The following LLGL1 variants were observed in gnomAD, a reference collection of about 807,000 sequenced individuals.
The protein encoded by LLGL1 is lethal(2) giant larvae protein homolog 1.
A neutral mutation model predicts 110.6 loss-of-function variants in LLGL1; 58 were observed. The observed-to-expected ratio is 0.52, with a 90% CI of 0.42 to 0.65. The LOEUF (loss-of-function observed/expected upper bound fraction) is 0.65, where lower values mean the gene tolerates loss of function less well. LLGL1 is among the 30% of genes least tolerant of loss of function. LLGL1 has a pLI of 0.00. For missense variants in LLGL1, 1,229 were observed against 1,462.1 expected (o/e 0.84, Z 2.60); for synonymous variants, 674 against 607.2 (o/e 1.11, Z -1.62).
rs765210628 is a variant in LLGL1 at position 18,238,460 on chromosome 17, A to G, written c.2057A>G (p.Gln686Arg). The change falls in exon 16 of 23, where the codon CAG becomes CGG. Residue 686 changes from glutamine (Q) to arginine (R), a missense_variant. Gln to Arg is a conservative substitution (Grantham distance 43, BLOSUM62 1). Coordinates refer to ENST00000316843, the MANE Select transcript of LLGL1 (RefSeq NM_004140.4). ...TCAGGAGCCCCCGCCCGGCAGTTGC[A>G]GGAAGCCAATGCACAGCTGGCTGAG... ...KRAANASSKLQEANAQLAEQA... is the reference protein window; with the variant it reads ...KRAANASSKLREANAQLAEQA... 1 of 1,607,464 alleles carries G rather than the reference A, an allele frequency of 6.2e-7. No individual in the cohort carries two copies. The highest frequency in any genetic ancestry group is 8.5e-7 in the Non-Finnish European group (1 of 1,176,454).
rs1440484160 is a variant in LLGL1, at chr17:18,232,743, C to G, written c.333C>G (p.Ala111=). 1 of 1,614,122 alleles carries G rather than the reference C, an allele frequency of 6.2e-7. No homozygotes were observed. The highest frequency in any genetic ancestry group is 1.1e-5 in the South Asian group (1 of 91,090). Residue 111 remains alanine (A), a synonymous_variant, in exon 4 of 23, where the codon GCC becomes GCG. Transcript: ENST00000316843. ...AGATTGTCCACCATAATGGCTGTGCCCACCTGGAAGAAGCACTCAGTTTCC... is the reference window on the plus strand; with the variant it reads ...AGATTGTCCACCATAATGGCTGTGCGCACCTGGAAGAAGCACTCAGTTTCC... ...LWEIVHHNGC[A]HLEEALSFQL... is the part of the protein sequence containing the mutation.
chr17:18,238,523 A>C lies in LLGL1; in HGVS notation c.2120A>C (p.Gln707Pro). 6.2e-7 allele frequency: 1 copy of C among 1,612,820 alleles called. No individual in the cohort carries two copies. Among genetic ancestry groups the C allele is most frequent in the East Asian group, 2.2e-5 (1 of 44,876 alleles). ...CACGACGTGGAGATGACGCCCGTGC[A>C]GCGCCGCATTGAGCCCCGCTCTGCC... is the stretch of plus-strand genomic sequence containing the variant. ...CPHDVEMTPVQRRIEPRSADD... is the reference protein window; with the variant it reads ...CPHDVEMTPVPRRIEPRSADD... The change falls in exon 16 of 23, where the codon CAG becomes CCG. Residue 707 changes from glutamine to proline, a missense_variant. Coordinates refer to ENST00000316843, the MANE Select transcript of LLGL1 (RefSeq NM_004140.4).
At chr17:18,236,405 G>A (rs1224640664) in intron 11 of LLGL1, 1 of 575,552 alleles carries the variant, frequency 1.7e-6, no homozygotes, top group Non-Finnish European at 3.1e-6. Context: ...TGCATATGGT[G>A]CATGTGGCCT....
chr17:18,232,632 C>T (rs1567687498), intron 3 of LLGL1, 40 bp from the exon 4 acceptor site: 3 of 1,614,010 alleles, frequency 1.9e-6, no homozygotes, highest in Non-Finnish European at 2.5e-6. Flanking sequence ...CTACTCATCC[C>T]CCTAGGCCAG....
In LLGL1 at chr17:18,230,019, A is replaced by G; in HGVS notation, c.160A>G (p.Arg54Gly). The G allele has an allele frequency of 6.2e-7, 1 of 1,611,572 alleles. No individual in the cohort carries two copies. The highest frequency in any genetic ancestry group is 8.5e-7 in the Non-Finnish European group (1 of 1,179,656). Reference protein sequence around the residue: ...PELRIMAIGTRSGAVKIYGAP... With the variant: ...PELRIMAIGTGSGAVKIYGAP... ...ACTTCGCATCATGGCCATCGGCACC[A>G]GGTCTGGGGCTGTCAAGATGTATCC... The change falls in exon 2 of 23, where the codon AGG becomes GGG. Residue 54 changes from arginine to glycine, a missense_variant. Physicochemically the swap from Arg to Gly is moderately radical, Grantham distance 125. Coordinates refer to ENST00000316843, the MANE Select transcript of LLGL1 (RefSeq NM_004140.4).
At chr17:18,238,781 T>G (rs1407184160) in intron 16 of LLGL1, among the ~76,000 whole-genome samples, 172 bp downstream of exon 16, 2 of 151,930 alleles carry the variant, frequency 1.3e-5, no homozygotes, top group African/African-American at 4.8e-5. Flanking sequence ...GAGGCCGAGG[T>G]GGGCGGATCA....
In LLGL1 at chr17:18,238,143, C is replaced by A; in HGVS notation, c.1981C>A (p.Arg661Ser). 1 of 1,613,770 alleles carries A rather than the reference C, an allele frequency of 6.2e-7. No homozygotes were observed. The highest frequency in any genetic ancestry group is 8.5e-7 in the Non-Finnish European group (1 of 1,180,026). Residue 661 changes from arginine (R) to serine (S), a missense_variant, in exon 15 of 23, where the codon CGC becomes AGC. Arg to Ser is a moderately radical substitution (Grantham distance 110). Coordinates refer to ENST00000316843, the MANE Select transcript of LLGL1 (RefSeq NM_004140.4). ...GGTGAAGTCTCTCAAGAAGTCACTGCGCCAGTCTTTCCGGCGCATTCGCAA... is the reference window on the plus strand; with the variant it reads ...GGTGAAGTCTCTCAAGAAGTCACTGAGCCAGTCTTTCCGGCGCATTCGCAA... ...SRVKSLKKSLRQSFRRIRKSR... is the reference protein window; with the variant it reads ...SRVKSLKKSLSQSFRRIRKSR...
Position 18,236,483 on chromosome 17 carries a change from A to G in LLGL1, c.1353-124A>G, listed in dbSNP as rs370981838. ...GGTGCCTATTGTTTTTTGTAAAAGT[A>G]GGATTCCGGTCAGTGTTTGGCACGT... On this transcript the variant is annotated intron_variant, in intron 11 of 22. Transcript: ENST00000316843. 2.7e-5 allele frequency: 25 copies of G among 936,692 alleles called. No individual in the cohort carries two copies. In the African/African-American group the frequency reaches 3.8e-4, roughly 14 times the overall value. The allele number at this position is 936,692 out of a possible 1,614,324, so 58.0% of individuals were successfully genotyped here. A position where few individuals can be genotyped will look rare whatever the true frequency, so the allele number is the denominator to read the frequency against.
At chr17:18,242,444 C>G (rs2047861978) in intron 20 of LLGL1, 64 bp from the exon 21 acceptor site, 1 of 1,604,584 alleles carries the variant, frequency 6.2e-7, no homozygotes. Context: ...GTCTGTGTCC[C>G]TAGGCCCCCA....
intron 14 of LLGL1, 132 bp downstream of exon 14, chr17:18,237,905 G>T: frequency 7.8e-6 from 10 of 1,281,710 alleles, no homozygotes; most frequent in Non-Finnish European, 9.6e-6. Flanking sequence ...TAACCTGGCA[G>T]CTCCAAGAAG....
rs781433997 is a variant in LLGL1, at chr17:18,241,694, G to C, written c.2746G>C (p.Val916Leu). The change falls in exon 18 of 23, where the codon GTC becomes CTC. Residue 916 changes from valine to leucine, a missense_variant. Val to Leu is a conservative substitution (Grantham distance 32, BLOSUM62 1). Coordinates refer to ENST00000316843, the MANE Select transcript of LLGL1 (RefSeq NM_004140.4). ...GGACATCAGCGGCATCGCTTCGTGC[G>C]TCTTTACGCGCCATGGCCAGGGTGA... ...KEDISGIASC[V>L]FTRHGQGFYL... The C allele has an allele frequency of 6.2e-7, 1 of 1,613,208 alleles. No homozygotes were observed. The highest frequency in any genetic ancestry group is 1.3e-5 in the African/African-American group (1 of 74,936).
chr17:18,232,439 T>C (rs2290503), intron 2 of LLGL1, 56 bp from the exon 3 acceptor site: 1,127,771 of 1,474,484 alleles, frequency 0.76, 432,217 homozygotes, highest in African/African-American at 0.83. Flanking sequence ...TTGGGTGTCT[T>C]CCTCACTGTG....
rs1028806714 is a variant in LLGL1 at position 18,237,558 on chromosome 17, C to T, written c.1689C>T (p.Arg563=). ...CCATCATAGACCTCCTCCAGGACCGCGAGGGCTTCACATGGAAGGGCCACG... is the reference window on the plus strand; with the variant it reads ...CCATCATAGACCTCCTCCAGGACCGTGAGGGCTTCACATGGAAGGGCCACG... ...SVAIIDLLQD[R]EGFTWKGHER... Residue 563 remains arginine (R), a synonymous_variant, in exon 14 of 23, where the codon CGC becomes CGT. Coordinates refer to ENST00000316843, the MANE Select transcript of LLGL1 (RefSeq NM_004140.4). 1.9e-5 allele frequency: 31 copies of T among 1,609,514 alleles called. No individual in the cohort carries two copies. Among genetic ancestry groups the T allele is most frequent in the African/African-American group, 6.7e-5 (5 of 74,826 alleles).
Position 18,241,704 on chromosome 17 carries a change from G to A in LLGL1, c.2756G>A (p.Arg919His), listed in dbSNP as rs749223309. Residue 919 changes from arginine (R) to histidine (H), a missense_variant, in exon 18 of 23, where the codon CGC becomes CAC. Transcript: ENST00000316843. ...ISGIASCVFT[R>H]HGQGFYLISP... The stretch of plus-strand genomic sequence containing the variant: ...GGCATCGCTTCGTGCGTCTTTACGC[G>A]CCATGGCCAGGGTGAGGCGGGGCAG... 3.7e-6 allele frequency: 6 copies of A among 1,612,784 alleles called. No individual in the cohort carries two copies. The South Asian group carries it at 5.5e-5, about 15-fold the overall frequency.
chr17:18,234,681 C>G lies in LLGL1; in HGVS notation c.883C>G (p.Leu295Val). 6.2e-7 allele frequency: 1 copy of G among 1,614,150 alleles called. No homozygotes were observed. The highest frequency in any genetic ancestry group is 8.5e-7 in the Non-Finnish European group (1 of 1,180,014). ...PFPCKAINKI[L>V]WRNCESGGHF... ...TCCCTGCAAGGCCATTAACAAGATT[C>G]TGTGGCGGAACTGTGAATCTGGGTA... is the stretch of plus-strand genomic sequence containing the variant. Residue 295 changes from leucine to valine, a missense_variant, in exon 8 of 23, where the codon CTG becomes GTG. Physicochemically the swap from Leu to Val is conservative, Grantham distance 32. Coordinates refer to ENST00000316843, the MANE Select transcript of LLGL1 (RefSeq NM_004140.4).
intron 22 of LLGL1, among the ~76,000 whole-genome samples, 169 bp downstream of exon 22, chr17:18,242,991 T>C (rs756978745): frequency 5.9e-5 from 9 of 152,262 alleles, no homozygotes; most frequent in Non-Finnish European, 1.3e-4. Flanking sequence ...TGGGGACTTC[T>C]GGTGCTCACA....
chr17:18,238,529 G>T lies in LLGL1; in HGVS notation c.2126G>T (p.Arg709Leu), dbSNP rs766240619. 1 of 1,612,772 alleles carries T rather than the reference G, an allele frequency of 6.2e-7. No individual in the cohort carries two copies. Among genetic ancestry groups the T allele is most frequent in the Non-Finnish European group, 8.5e-7 (1 of 1,180,010 alleles). The change falls in exon 16 of 23, where the codon CGC (arginine) becomes CTC (leucine). Residue 709 changes from arginine to leucine, a missense_variant. Physicochemically the swap from Arg to Leu is moderately radical, Grantham distance 102. Transcript: ENST00000316843. ...GTGGAGATGACGCCCGTGCAGCGCC[G>T]CATTGAGCCCCGCTCTGCCGATGAC... ...HDVEMTPVQRRIEPRSADDSL... is the reference protein window; with the variant it reads ...HDVEMTPVQRLIEPRSADDSL...
rs1455880387 is a variant in LLGL1, at chr17:18,236,608, C to T, written c.1354C>T (p.His452Tyr). 6.2e-6 allele frequency: 10 copies of T among 1,609,400 alleles called. No individual in the cohort carries two copies. Among genetic ancestry groups the T allele is most frequent in the Non-Finnish European group, 7.6e-6 (9 of 1,177,468 alleles). Residue 452 changes from histidine to tyrosine, a missense_variant and splice_region_variant, in exon 12 of 23, where the codon CAT becomes TAT. Physicochemically the swap from His to Tyr is moderately conservative, Grantham distance 83. Transcript: ENST00000316843. ...CCCTGACATCTGCCCTCCCTGCAGC[C>T]ATGAGGACGGCACCGTGAGGTTCTG... is the stretch of plus-strand genomic sequence containing the variant. ...PSQRGLLLTGHEDGTVRFWDA... is the reference protein window; with the variant it reads ...PSQRGLLLTGYEDGTVRFWDA...
Position 18,232,814 on chromosome 17 carries a change from C to T in LLGL1, c.392+12C>T. ...TTTGATGGTGCCAGGTACTGGAGAA[C>T]TTGGCTGGGGCCAGCCACCGGGCAG... On this transcript the variant is annotated intron_variant, in intron 4 of 22. Transcript: ENST00000316843. The T allele has an allele frequency of 6.2e-7, 1 of 1,613,670 alleles. No homozygotes were observed. Among genetic ancestry groups the T allele is most frequent in the Admixed American group, 1.7e-5 (1 of 60,018 alleles).
Sources: allele counts gnomAD v4.1 joint callset (sites outside exome capture counted in the v4.1 genomes callset), GRCh38; gene constraint gnomAD v4.1.1; transcripts MANE v1.5; gene names NCBI Gene and HGNC (gene_info 2026-07-23, HGNC 2026-07-21).